The following ZMIZ1 variants were observed in gnomAD, a reference collection of about 807,000 sequenced individuals.
ZMIZ1 encodes the protein zinc finger MIZ-type containing 1.
ZMIZ1 carries 17 observed loss-of-function variants against 113.9 expected under a neutral mutation model. That is an observed-to-expected ratio of 0.15 (90% CI 0.10 to 0.22). The LOEUF (loss-of-function observed/expected upper bound fraction) is 0.22. ZMIZ1 is among the 10% of genes least tolerant of loss of function. ZMIZ1 has a pLI of 1.00. For missense variants in ZMIZ1, 1,059 were observed against 1,477.8 expected (o/e 0.72, Z 4.65); for synonymous variants, 607 against 603.1 (o/e 1.01, Z -0.09).
chr10:79,242,237 C>T lies in ZMIZ1; in HGVS notation c.280+25963C>T, dbSNP rs1212718448. On this transcript the variant is annotated intron_variant, in intron 7 of 24. Transcript: ENST00000334512. ...GACAGACTGGCTGGAAGGAAGAGGC[C>T]TCGGCCACCACAGGATGCAATGTCA... is the stretch of plus-strand genomic sequence containing the variant. Among the ~76,000 whole-genome samples, 9 of 152,224 alleles carry T rather than the reference C, an allele frequency of 5.9e-5. No individual in the cohort carries two copies. The East Asian group carries it at 1.7e-3, about 29-fold the overall frequency.
At chr10:79,128,566 A>G (rs1022357462) in intron 2 of ZMIZ1, among the ~76,000 whole-genome samples, 9 of 152,196 alleles carry the variant, frequency 5.9e-5, no homozygotes, top group African/African-American at 2.2e-4. Context: ...AGGCGTGTGT[A>G]CATCATGGGG....
chr10:79,088,461 T>C (rs1240508536), intron 1 of ZMIZ1, among the ~76,000 whole-genome samples: 2 of 152,104 alleles, frequency 1.3e-5, no homozygotes, highest in Non-Finnish European at 2.9e-5. Flanking sequence ...TAAACATGGG[T>C]GTTCAGGCCT....
rs1237703063 is a variant in ZMIZ1 at position 79,305,245 on chromosome 10, A to T, written c.2354+14A>T. On this transcript the variant is annotated intron_variant, in intron 20 of 24. Transcript: ENST00000334512. ...TCCTGTGTGCAAGTGAGTGATGCCCACCCCGGTGGGGGCTTCCCCCATCCC... is the reference window on the plus strand; with the variant it reads ...TCCTGTGTGCAAGTGAGTGATGCCCTCCCCGGTGGGGGCTTCCCCCATCCC... 2 of 1,613,578 alleles carry T rather than the reference A, an allele frequency of 1.2e-6. No individual in the cohort carries two copies. The highest frequency in any genetic ancestry group is 1.7e-6 in the Non-Finnish European group (2 of 1,179,788).
rs116760655 is a variant in ZMIZ1, at chr10:79,261,846, G to T, written c.281-15335G>T. Among the ~76,000 whole-genome samples the T allele has an allele frequency of 2.3e-3, 354 of 152,290 alleles. 3 individuals are homozygous for T. Among genetic ancestry groups the T allele is most frequent in the South Asian group, 0.013 (61 of 4,828 alleles). On this transcript the variant is annotated intron_variant, in intron 7 of 24. Transcript: ENST00000334512. ...GCACCGAGGTGAGATAGGTTTGCAT[G>T]CAGGCAAAGAAACCAAGGTGCACAC...
chr10:79,305,020 T>C, intron 19 of ZMIZ1, 144 bp from the exon 20 acceptor site: 1 of 883,018 alleles, frequency 1.1e-6, no homozygotes, highest in African/African-American at 1.7e-5. Flanking sequence ...TAGCATTGCT[T>C]TCATTCCACC....
At chr10:79,120,658 G>A (rs1844251102) in intron 2 of ZMIZ1, among the ~76,000 whole-genome samples, 1 of 152,206 alleles carries the variant, frequency 6.6e-6, no homozygotes. Context: ...GCAAGGATGA[G>A]AGGCTGCTGT....
intron 3 of ZMIZ1, among the ~76,000 whole-genome samples, chr10:79,149,067 G>A (rs1347397238): frequency 1.3e-5 from 2 of 152,236 alleles, no homozygotes; most frequent in African/African-American, 4.8e-5. Context: ...CCCGGAGCCA[G>A]GAGGGACTGC....
intron 1 of ZMIZ1, among the ~76,000 whole-genome samples, chr10:79,073,668 C>T (rs1243594018): frequency 6.6e-6 from 1 of 151,994 alleles, no homozygotes; most frequent in Admixed American, 6.6e-5. Flanking sequence ...CAAGTGGCTG[C>T]TTCTAGCCCT....
chr10:79,200,019 G>A (rs1233723804), intron 4 of ZMIZ1, among the ~76,000 whole-genome samples: 1 of 152,202 alleles, frequency 6.6e-6, no homozygotes, highest in Non-Finnish European at 1.5e-5. Context: ...TGGGGCCTCA[G>A]TTTCCTCATC....
chr10:79,152,535 C>T (rs73298201), intron 3 of ZMIZ1, among the ~76,000 whole-genome samples: 6,301 of 152,320 alleles, frequency 0.041, 210 homozygotes, highest in East Asian at 0.16. Flanking sequence ...TAACCCACCC[C>T]AAACAAGTTA....
chr10:79,071,478 G>T (rs1334654999), intron 1 of ZMIZ1, among the ~76,000 whole-genome samples: 1 of 152,230 alleles, frequency 6.6e-6, no homozygotes, highest in African/African-American at 2.4e-5. Flanking sequence ...GCCTGCGTTC[G>T]CTGGCGCTTG....
chr10:79,188,395 C>G (rs959392004), intron 4 of ZMIZ1, among the ~76,000 whole-genome samples: 8 of 152,186 alleles, frequency 5.3e-5, no homozygotes, highest in African/African-American at 1.7e-4. Flanking sequence ...TTCCCGCCCC[C>G]GAGCCAGTCT....
chr10:79,297,716 T>C (rs1029567980), intron 14 of ZMIZ1, 26 bp downstream of exon 14: 38 of 1,605,278 alleles, frequency 2.4e-5, no homozygotes, highest in Non-Finnish European at 3.2e-5. Context: ...ATTTACAAAT[T>C]CTAAGCCACA....
chr10:79,076,943 C>T (rs1250709669), intron 1 of ZMIZ1, among the ~76,000 whole-genome samples: 1 of 152,182 alleles, frequency 6.6e-6, no homozygotes, highest in Non-Finnish European at 1.5e-5. Flanking sequence ...CCCATACCTC[C>T]CCTCTCCCCT....
intron 7 of ZMIZ1, among the ~76,000 whole-genome samples, chr10:79,237,040 G>A (rs1849618372): frequency 6.6e-6 from 1 of 152,224 alleles, no homozygotes; most frequent in Non-Finnish European, 1.5e-5. Context: ...GTGGTGGCGG[G>A]GGCTCCCCAG....
At chr10:79,255,242 C>A (rs540237781) in intron 7 of ZMIZ1, among the ~76,000 whole-genome samples, 1 of 152,206 alleles carries the variant, frequency 6.6e-6, no homozygotes, top group Non-Finnish European at 1.5e-5. Flanking sequence ...TGTTTCCAGG[C>A]GGCAGGTAGG....
At chr10:79,070,263 C>T (rs1469245103) in intron 1 of ZMIZ1, among the ~76,000 whole-genome samples, 3 of 151,990 alleles carry the variant, frequency 2.0e-5, no homozygotes, top group African/African-American at 7.2e-5. Context: ...CGCGCGTCGC[C>T]CCCTCGCTGG....
At chr10:79,165,455 G>T (rs1354566695) in intron 4 of ZMIZ1, among the ~76,000 whole-genome samples, 1 of 152,172 alleles carries the variant, frequency 6.6e-6, no homozygotes, top group Non-Finnish European at 1.5e-5. Context: ...GTGTGGCTGT[G>T]TGCTTGTGTG....
chr10:79,264,973 C>T (rs879875883), intron 7 of ZMIZ1, among the ~76,000 whole-genome samples: 7 of 152,250 alleles, frequency 4.6e-5, no homozygotes, highest in Non-Finnish European at 5.9e-5. Flanking sequence ...TTTAGTCTGG[C>T]GTCTTATCCT....
Sources: allele counts gnomAD v4.1 joint callset (sites outside exome capture counted in the v4.1 genomes callset), GRCh38; gene constraint gnomAD v4.1.1; transcripts MANE v1.5; gene names NCBI Gene and HGNC (gene_info 2026-07-23, HGNC 2026-07-21).